XPC: variants seen among roughly 807,000 people sequenced by gnomAD.
XPC encodes the protein XPC complex subunit, DNA damage recognition and repair factor.
Under a neutral mutation model 95.8 loss-of-function variants are expected in XPC, and 76 were observed. The observed-to-expected ratio is 0.79, with a 90% CI of 0.66 to 0.96. XPC has a LOEUF of 0.96. XPC is among the 40% of genes least tolerant of loss of function. XPC has a pLI of 0.00. For synonymous variants in XPC, 442 were observed against 442.1 expected, an observed-to-expected ratio of 1.00 and a Z score of 0.00; for missense variants, 1,146 against 1,179.8, an observed-to-expected ratio of 0.97 and a Z score of 0.42.
chr3:14,145,719 T>G lies in XPC; in HGVS notation c.*222A>C. On this transcript the variant is annotated 3_prime_UTR_variant, in exon 16 of 16. Transcript: ENST00000285021. Reference sequence around the variant, plus strand: ...TTTGGTAGCAAAAAGCTTTGAAGGCTTCACCCTGGGTGAATCTGACAAGGG... The same window carrying G: ...TTTGGTAGCAAAAAGCTTTGAAGGCGTCACCCTGGGTGAATCTGACAAGGG... 1.4e-6 allele frequency: 1 copy of G among 708,514 alleles called. No homozygotes were observed. The highest frequency in any genetic ancestry group is 2.5e-6 in the Non-Finnish European group (1 of 393,064). 43.9% of individuals were successfully genotyped at this position (708,514 alleles called of 1,614,324 possible).
rs1042851198 is a variant in XPC at position 14,147,898 on chromosome 3, A to C, written c.2514+10T>G. The stretch of plus-strand genomic sequence containing the variant: ...CTTCTGCTGTCCCTCAGTCCTGCAT[A>C]TGCGCTTACCTCCTTCTCCTTCCTT... On this transcript the variant is annotated intron_variant, in intron 14 of 15. Transcript: ENST00000285021. 6.3e-7 allele frequency: 1 copy of C among 1,590,704 alleles called. No homozygotes were observed. The highest frequency in any genetic ancestry group is 1.8e-5 in the Admixed American group (1 of 56,740).
At chr3:14,171,359 A>G (rs2125044120) in intron 2 of XPC, among the ~76,000 whole-genome samples, 1 of 152,294 alleles carries the variant, frequency 6.6e-6, no homozygotes, top group South Asian at 2.1e-4. Context: ...AAACACCAGC[A>G]ATAAAAATTT....
chr3:14,173,104 A>G, intron 1 of XPC, 42 bp from the exon 2 acceptor site: 1 of 1,464,678 alleles, frequency 6.8e-7, no homozygotes, highest in Non-Finnish European at 9.1e-7. Flanking sequence ...GTGGAAGGAA[A>G]GGTGGAGGCA....
rs774677116 is a variant in XPC at position 14,167,290 on chromosome 3, G to A, written c.537-37C>T. Reference sequence around the variant, plus strand: ...AGTGAAAAATCTGGGAATGAAGGGGGGAACTGAAACCAGACTCCACTCCCC... The same window carrying A: ...AGTGAAAAATCTGGGAATGAAGGGGAGAACTGAAACCAGACTCCACTCCCC... On this transcript the variant is annotated intron_variant, in intron 4 of 15. Transcript: ENST00000285021. The A allele has an allele frequency of 3.2e-6, 5 of 1,574,734 alleles. No homozygotes were observed. The African/African-American group carries it at 5.4e-5, about 17-fold the overall frequency.
At chr3:14,164,551 C>T in intron 7 of XPC, 2 of 338,218 alleles carry the variant, frequency 5.9e-6, no homozygotes, top group Non-Finnish European at 1.1e-5. Flanking sequence ...CTTTTTGGTA[C>T]ACCACAACTA....
intron 3 of XPC, among the ~76,000 whole-genome samples, chr3:14,170,042 G>C (rs1214093326): frequency 6.6e-6 from 1 of 152,194 alleles, no homozygotes; most frequent in African/African-American, 2.4e-5. Context: ...TGTTTACAGA[G>C]TGTTACCAAT....
chr3:14,176,083 A>T (rs921652053), intron 1 of XPC, among the ~76,000 whole-genome samples: 2 of 152,256 alleles, frequency 1.3e-5, no homozygotes, highest in Non-Finnish European at 2.9e-5. Context: ...CCCGCAAGGC[A>T]GTTATTACAT....
rs1696006365 is a variant in XPC, at chr3:14,158,278, G to A, written c.1605C>T (p.Phe535=). Residue 535 remains phenylalanine (F), a synonymous_variant, in exon 9 of 16, where the codon TTC becomes TTT. Coordinates refer to ENST00000285021, the MANE Select transcript of XPC (RefSeq NM_004628.5). The surrounding 1 kb of genome is among the most constrained non-coding windows in gnomAD (Gnocchi z 5.2). ...ATACCCACTTTTCCTCCTGCTCACAGAACACCTCTAGCCACTGGTCTATAC... is the reference window on the plus strand; with the variant it reads ...ATACCCACTTTTCCTCCTGCTCACAAAACACCTCTAGCCACTGGTCTATAC... ...IAGIDQWLEV[F]CEQEEKWVCV... is the part of the protein sequence containing the mutation. 6.2e-7 allele frequency: 1 copy of A among 1,613,960 alleles called. No homozygotes were observed. Among genetic ancestry groups the A allele is most frequent in the Non-Finnish European group, 8.5e-7 (1 of 1,179,892 alleles).
At position 14,164,831 on chromosome 3, in the gene XPC, A is replaced by G; in HGVS notation, c.882T>C (p.Asp294=). The change falls in exon 7 of 16, where the codon GAT becomes GAC. Residue 294 remains aspartate, a synonymous_variant. Transcript: ENST00000285021. ...CACTTACATGGACCAATTCCTCATC[A>G]TCTCGAGCAGAGTAAATAGCAAATC... The part of the protein sequence containing the change: ...ERRFAIYSAR[D]DEELVHIFLL... The G allele has an allele frequency of 6.2e-7, 1 of 1,613,550 alleles. No homozygotes were observed. Among genetic ancestry groups the G allele is most frequent in the Middle Eastern group, 1.7e-4 (1 of 6,056 alleles).
chr3:14,169,157 T>C (rs1007175102), intron 3 of XPC, among the ~76,000 whole-genome samples: 1 of 152,102 alleles, frequency 6.6e-6, no homozygotes, highest in Non-Finnish European at 1.5e-5. Context: ...CAAAGACTAA[T>C]GAGGCCATGT....
chr3:14,169,131 T>C (rs1220116499), intron 3 of XPC, among the ~76,000 whole-genome samples: 2 of 152,266 alleles, frequency 1.3e-5, no homozygotes, highest in African/African-American at 4.8e-5. Flanking sequence ...AAGTATAAGC[T>C]GAACAAAAAT....
Position 14,146,541 on chromosome 3 carries a change from C to T in XPC, c.2605-382G>A, listed in dbSNP as rs73817829. Among the ~76,000 whole-genome samples, 523 of 152,274 alleles carry T rather than the reference C, an allele frequency of 3.4e-3. 3 individuals are homozygous for T. Among genetic ancestry groups the T allele is most frequent in the African/African-American group, 0.012 (489 of 41,556 alleles). On this transcript the variant is annotated intron_variant, in intron 15 of 15. Transcript: ENST00000285021. Reference sequence around the variant, plus strand: ...CGGGCAAGATGCACAGTTCAGCCCTCGGAGCCCTAAGATCTGAGGCGGCAC... The same window carrying T: ...CGGGCAAGATGCACAGTTCAGCCCTTGGAGCCCTAAGATCTGAGGCGGCAC...
chr3:14,171,852 G>GCGGGA (rs1696628898), intron 2 of XPC, among the ~76,000 whole-genome samples: 1 of 151,908 alleles, frequency 6.6e-6, no homozygotes, highest in African/African-American at 2.4e-5. Context: ...ACGGGACGGG[G>GCGGGA]CGGGACGGGA....
Position 14,164,661 on chromosome 3 carries a change from A to T in XPC, c.900+152T>A, listed in dbSNP as rs976690623. Reference sequence around the variant, plus strand: ...GGAAAAGACCTTAGAGGCATCATGTAGCTATTCTGGGCTTCAGCAGCTATC... The same window carrying T: ...GGAAAAGACCTTAGAGGCATCATGTTGCTATTCTGGGCTTCAGCAGCTATC... On this transcript the variant is annotated intron_variant, in intron 7 of 15. Transcript: ENST00000285021. 9 of 716,366 alleles carry T rather than the reference A, an allele frequency of 1.3e-5. 1 individual carries two copies. The highest frequency in any genetic ancestry group is 3.1e-5 in the East Asian group (1 of 32,142). 44.4% of individuals were successfully genotyped at this position (716,366 alleles called of 1,614,324 possible). A position where few individuals can be genotyped will look rare whatever the true frequency, so the allele number is the denominator to read the frequency against.
rs1348035600 is a variant in XPC, at chr3:14,145,578, A to C, written c.*363T>G. Reference sequence around the variant, plus strand: ...ATTCACGGATGCACCACCATCCAGAAATCTCCCGGTGGCTTCCATACAAAA... The same window carrying C: ...ATTCACGGATGCACCACCATCCAGACATCTCCCGGTGGCTTCCATACAAAA... On this transcript the variant is annotated 3_prime_UTR_variant, in exon 16 of 16. Transcript: ENST00000285021. 1.3e-5 allele frequency: 9 copies of C among 699,782 alleles called. No homozygotes were observed. The East Asian group carries it at 2.4e-4, about 19-fold the overall frequency. The allele number at this position is 699,782 out of a possible 1,614,324, so 43.3% of individuals were successfully genotyped here.
intron 1 of XPC, 105 bp downstream of exon 1, chr3:14,178,361 C>T: frequency 7.6e-7 from 1 of 1,313,140 alleles, no homozygotes; most frequent in Non-Finnish European, 1.0e-6. Context: ...GGAACGCGCG[C>T]AGCAACCTCC....
chr3:14,175,089 C>T (rs1185132309), intron 1 of XPC, among the ~76,000 whole-genome samples: 2 of 152,112 alleles, frequency 1.3e-5, no homozygotes, highest in Non-Finnish European at 2.9e-5. Context: ...AGCTTGGTAT[C>T]CAAGCTCAGG....
chr3:14,178,151 C>T lies in XPC; in HGVS notation c.103+315G>A, dbSNP rs370542890. ...TCTACGTCCTGGTCCGTCCGTCTGTCTTCCTGGGACACAAATAACTGCCTT... is the reference window on the plus strand; with the variant it reads ...TCTACGTCCTGGTCCGTCCGTCTGTTTTCCTGGGACACAAATAACTGCCTT... On this transcript the variant is annotated intron_variant, in intron 1 of 15. Coordinates refer to ENST00000285021, the MANE Select transcript of XPC (RefSeq NM_004628.5). Among the ~76,000 whole-genome samples the T allele has an allele frequency of 7.2e-5, 11 of 152,336 alleles. No individual in the cohort carries two copies. The East Asian group carries it at 2.1e-3, about 29-fold the overall frequency.
chr3:14,157,115 G>GC (rs1276092859), intron 9 of XPC, among the ~76,000 whole-genome samples: 11 of 152,174 alleles, frequency 7.2e-5, no homozygotes, highest in Admixed American at 5.9e-4. Context: ...AGAGGACGCT[G>GC]CACGTTCAGC....
Sources: gnomAD v4.1 joint callset for allele counts (sites outside exome capture counted in the v4.1 genomes callset) on GRCh38, gnomAD v4.1.1 for gene constraint, Gnocchi (gnomAD v3.1) non-coding constraint, MANE v1.5 for transcripts, NCBI Gene and HGNC (gene_info 2026-07-23, HGNC 2026-07-21) for gene names.